Variants in UFD1 observed in about 807,000 individuals in gnomAD.
UFD1 encodes the protein ubiquitin recognition factor in ER-associated degradation protein 1.
Under a neutral mutation model 45.9 loss-of-function variants are expected in UFD1, and 13 were observed. The observed-to-expected ratio is 0.28, with a 90% CI of 0.18 to 0.45. UFD1 has a LOEUF of 0.45. Among genes scored for constraint, UFD1 ranks in the 20% least tolerant of loss-of-function variants. UFD1 has a pLI of 1.00. For synonymous variants in UFD1, 128 were observed against 139.2 expected (o/e 0.92, Z 0.56); for missense variants, 218 against 389.2 (o/e 0.56, Z 3.70).
intron 4 of UFD1, chr22:19,470,559 G>A (rs543998459): frequency 1.1e-5 from 4 of 352,240 alleles, no homozygotes; most frequent in South Asian, 4.3e-5. Flanking sequence ...CTCTTGCCTC[G>A]GTCTCCCAAG....
intron 4 of UFD1, among the ~76,000 whole-genome samples, chr22:19,471,047 C>A (rs576118783): frequency 7.9e-5 from 12 of 152,338 alleles, no homozygotes; most frequent in African/African-American, 2.9e-4. Flanking sequence ...GCCACAGCTA[C>A]CTGTGTGGAA....
intron 2 of UFD1, among the ~76,000 whole-genome samples, 162 bp downstream of exon 2, chr22:19,475,308 A>AGCACC (rs536893986): frequency 1.1e-3 from 169 of 152,314 alleles, no homozygotes; most frequent in African/African-American, 3.9e-3. Flanking sequence ...AACCATAATT[A>AGCACC]GCACCCCACC....
At chr22:19,475,377 G>A in intron 2 of UFD1, 93 bp downstream of exon 2, 1 of 1,540,294 alleles carries the variant, frequency 6.5e-7, no homozygotes, top group East Asian at 2.3e-5. Context: ...ACTAGCTTCT[G>A]ACTCCCACAT....
chr22:19,455,367 C>A (rs1043484707), intron 10 of UFD1, among the ~76,000 whole-genome samples: 24 of 152,106 alleles, frequency 1.6e-4, no homozygotes, highest in African/African-American at 4.8e-4. Flanking sequence ...CAAATAGGGA[C>A]CAGAAAGGTT....
chr22:19,465,318 T>C (rs1284264477), intron 5 of UFD1, 44 bp from the exon 6 acceptor site: 1 of 1,553,878 alleles, frequency 6.4e-7, no homozygotes, highest in East Asian at 2.2e-5. Flanking sequence ...GATGGATACC[T>C]TAATCTGAAA....
intron 5 of UFD1, chr22:19,466,220 C>T (rs918477558): frequency 3.3e-5 from 5 of 152,294 alleles, no homozygotes; most frequent in African/African-American, 7.2e-5. Flanking sequence ...GCCCTTCCCT[C>T]CACTCCTCTA....
rs773113277 is a variant in UFD1 at position 19,471,745 on chromosome 22, G to A, written c.233C>T (p.Thr78Met). Residue 78 changes from threonine to methionine, a missense_variant, in exon 4 of 12, where the codon ACG (threonine) becomes ATG (methionine). Physicochemically the swap from Thr to Met is moderately conservative, Grantham distance 81. Transcript: ENST00000263202. ...KLTNKNSDRM[T>M]HCGVLEFVAD... is the part of the protein sequence containing the mutation. ...CACAAACTCCAGCACGCCACAATGC[G>A]TCATGCGGTCCGAATTCTTATTGGT... is the stretch of plus-strand genomic sequence containing the variant. 6.2e-6 allele frequency: 10 copies of A among 1,614,120 alleles called. No homozygotes were observed. Among genetic ancestry groups the A allele is most frequent in the South Asian group, 2.2e-5 (2 of 91,084 alleles).
chr22:19,463,819 T>TA (rs2089783833), intron 6 of UFD1, among the ~76,000 whole-genome samples: 1 of 152,334 alleles, frequency 6.6e-6, no homozygotes, highest in African/African-American at 2.4e-5. Context: ...TCCCTACTTC[T>TA]AAAAGTGGAA....
chr22:19,451,005 T>G, intron 11 of UFD1: 1 of 1,100,686 alleles, frequency 9.1e-7, no homozygotes, highest in Non-Finnish European at 1.1e-6. Context: ...GTGCCTATGA[T>G]CCCAGCTACT....
At chr22:19,457,896 C>T (rs1487272377) in intron 7 of UFD1, among the ~76,000 whole-genome samples, 175 bp downstream of exon 7, 2 of 152,082 alleles carry the variant, frequency 1.3e-5, no homozygotes, top group African/African-American at 4.8e-5. Flanking sequence ...CCAACTGGCC[C>T]TGAGATAGAT....
At chr22:19,471,633 G>C in intron 4 of UFD1, 54 bp downstream of exon 4, 1 of 1,596,246 alleles carries the variant, frequency 6.3e-7, no homozygotes, top group South Asian at 1.1e-5. Flanking sequence ...TCGAGTGCAG[G>C]AGATGTCTCT....
At chr22:19,475,047 A>G in intron 3 of UFD1, 21 bp downstream of exon 3, 1 of 1,607,654 alleles carries the variant, frequency 6.2e-7, no homozygotes, top group Middle Eastern at 1.9e-4. Context: ...TAAGTCCTTA[A>G]GTCACTCAGA....
intron 4 of UFD1, chr22:19,471,222 G>T (rs1229508769): frequency 3.9e-6 from 2 of 511,976 alleles, no homozygotes; most frequent in African/African-American, 1.9e-5. Flanking sequence ...GAGCCTGCTT[G>T]TAAGGAAAAA....
chr22:19,456,976 T>C (rs1289900984), intron 7 of UFD1, 58 bp from the exon 8 acceptor site: 1 of 1,213,538 alleles, frequency 8.2e-7, no homozygotes, highest in African/African-American at 1.5e-5. Flanking sequence ...TTGGCTTCCT[T>C]TTTTGTTTTT....
chr22:19,458,047 C>T (rs2089736707), intron 7 of UFD1, 24 bp downstream of exon 7: 2 of 1,613,788 alleles, frequency 1.2e-6, no homozygotes, highest in South Asian at 1.1e-5. Context: ...CCCAGGCTCA[C>T]TGTAACTGGA....
Position 19,455,749 on chromosome 22 carries a change from T to C in UFD1, c.698A>G (p.Asn233Ser). The change falls in exon 10 of 12, where the codon AAT becomes AGT. Residue 233 changes from asparagine (N) to serine (S), a missense_variant. By Grantham distance (46) the Asn-to-Ser change is conservative. Transcript: ENST00000263202. ...LGFRAFSGSG[N>S]RLDGKKKGVE... ...CCCTTTCTTCTTTCCATCCAGTCTA[T>C]TGCCAGATCCAGAGAAAGCCTAGAC... 6.2e-7 allele frequency: 1 copy of C among 1,614,028 alleles called. No homozygotes were observed. Among genetic ancestry groups the C allele is most frequent in the Non-Finnish European group, 8.5e-7 (1 of 1,179,944 alleles).
rs5748212 is a variant in UFD1 at position 19,456,408 on chromosome 22, G to T, written c.678+179C>A. On this transcript the variant is annotated intron_variant, in intron 9 of 11. Transcript: ENST00000263202. ...TGGGGCTGTTGGGAAGATTCCAGGA[G>T]AGAGTGGATACAAAAGGGTTTGGTA... 0.038 allele frequency: 29,084 copies of T among 757,744 alleles called. 1,085 individuals carry two copies. Among genetic ancestry groups the T allele is most frequent in the East Asian group, 0.11 (4,268 of 38,324 alleles). The allele number at this position is 757,744 out of a possible 1,614,324, so 46.9% of individuals were successfully genotyped here.
At chr22:19,468,026 T>C (rs1378189807) in intron 4 of UFD1, 23 bp from the exon 5 acceptor site, 3 of 1,613,246 alleles carry the variant, frequency 1.9e-6, no homozygotes, top group Non-Finnish European at 2.5e-6. Flanking sequence ...AGAGGCTACA[T>C]GAGACTCCTA....
chr22:19,450,638 T>C lies in UFD1; in HGVS notation c.*32A>G, dbSNP rs776362763. ...AGCCAAGATGTTGCAAATGATTCTT[T>C]TATTATTTTCCAATCAGCCAACAGT... On this transcript the variant is annotated 3_prime_UTR_variant, in exon 12 of 12. Coordinates refer to ENST00000263202, the MANE Select transcript of UFD1 (RefSeq NM_005659.7). 9.9e-6 allele frequency: 16 copies of C among 1,613,564 alleles called. No individual in the cohort carries two copies. The highest frequency in any genetic ancestry group is 1.7e-4 in the Middle Eastern group (1 of 5,974).
Sources: allele counts gnomAD v4.1 joint callset (sites outside exome capture counted in the v4.1 genomes callset), GRCh38; gene constraint gnomAD v4.1.1; transcripts MANE v1.5; gene names NCBI Gene and HGNC (gene_info 2026-07-23, HGNC 2026-07-21).